Variants in OR51B5 observed in about 807,000 individuals in gnomAD.
The protein encoded by OR51B5 is olfactory receptor 51B5.
For synonymous variants in OR51B5, 186 were observed against 144.8 expected, an observed-to-expected ratio of 1.28 and a Z score of -2.04; for missense variants, 456 against 374.6, an observed-to-expected ratio of 1.22 and a Z score of -1.79.
At chr11:5,450,161 G>T (rs1323167414) in intron 1 of OR51B5, among the ~76,000 whole-genome samples, 1 of 152,060 alleles carries the variant, frequency 6.6e-6, no homozygotes, top group Non-Finnish European at 1.5e-5. Flanking sequence ...GGCTGAGGTG[G>T]TCAGATCACC....
intron 1 of OR51B5, among the ~76,000 whole-genome samples, chr11:5,351,049 A>C (rs574313759): frequency 6.6e-6 from 1 of 152,248 alleles, no homozygotes; most frequent in African/African-American, 2.4e-5. Context: ...CCATTTTTCT[A>C]CTGATCTTTT....
intron 1 of OR51B5, chr11:5,389,281 G>A (rs76916051): frequency 0.019 from 18,356 of 960,986 alleles, 240 homozygotes; most frequent in Middle Eastern, 0.031. Context: ...TAAGGGTGGA[G>A]TAGATAATAC....
At chr11:5,472,218 T>C (rs564833040) in intron 1 of OR51B5, among the ~76,000 whole-genome samples, 4 of 151,894 alleles carry the variant, frequency 2.6e-5, no homozygotes, top group African/African-American at 7.2e-5. Context: ...AGATGGGGGA[T>C]GTGCATGTGG....
intron 1 of OR51B5, among the ~76,000 whole-genome samples, chr11:5,386,101 A>G (rs1353755824): frequency 1.3e-5 from 2 of 152,152 alleles, no homozygotes; most frequent in African/African-American, 2.4e-5. Flanking sequence ...AGAAGAAGTG[A>G]TATTTGTACT....
intron 1 of OR51B5, among the ~76,000 whole-genome samples, chr11:5,360,216 A>T (rs1292130358): frequency 6.6e-6 from 1 of 151,860 alleles, no homozygotes; most frequent in Non-Finnish European, 1.5e-5. Flanking sequence ...CAACATACAG[A>T]ATGGGAGAAA....
chr11:5,465,270 T>C (rs1323815715), intron 1 of OR51B5, among the ~76,000 whole-genome samples: 7 of 150,664 alleles, frequency 4.6e-5, no homozygotes, highest in African/African-American at 1.7e-4. Flanking sequence ...CACCTGTTGT[T>C]TCCTGACTTT....
At chr11:5,369,657 A>G (rs953799466) in intron 1 of OR51B5, among the ~76,000 whole-genome samples, 9 of 152,176 alleles carry the variant, frequency 5.9e-5, no homozygotes, top group African/African-American at 2.2e-4. Flanking sequence ...CCCTGGAGAT[A>G]ATTTCCCTTT....
At chr11:5,420,362 T>G (rs1850314525) in intron 1 of OR51B5, among the ~76,000 whole-genome samples, 1 of 152,120 alleles carries the variant, frequency 6.6e-6, no homozygotes, top group African/African-American at 2.4e-5. Context: ...ACGATTTAAC[T>G]TTCCATTATT....
intron 1 of OR51B5, among the ~76,000 whole-genome samples, chr11:5,497,855 T>C (rs997949599): frequency 1.3e-5 from 2 of 152,180 alleles, no homozygotes; most frequent in Non-Finnish European, 2.9e-5. Context: ...GGCTCTTAAC[T>C]ATACACACCT....
intron 1 of OR51B5, among the ~76,000 whole-genome samples, chr11:5,491,114 A>G (rs991479687): frequency 6.6e-6 from 1 of 152,230 alleles, no homozygotes; most frequent in Non-Finnish European, 1.5e-5. Context: ...GTCTTAGTTG[A>G]TTTAATGAAT....
intron 1 of OR51B5, among the ~76,000 whole-genome samples, chr11:5,416,433 TAGGC>T (rs1850244527): frequency 6.6e-6 from 1 of 152,072 alleles, no homozygotes; most frequent in Admixed American, 6.6e-5. Flanking sequence ...CCAGGGCAAT[TAGGC>T]AGGAAAAGGA....
intron 1 of OR51B5, among the ~76,000 whole-genome samples, chr11:5,498,554 G>A (rs1023359130): frequency 3.3e-5 from 5 of 152,066 alleles, no homozygotes; most frequent in Non-Finnish European, 5.9e-5. Context: ...TCTTGCTCAC[G>A]AATATACCCA....
At chr11:5,476,676 T>C (rs1012399927) in intron 1 of OR51B5, among the ~76,000 whole-genome samples, 1 of 152,226 alleles carries the variant, frequency 6.6e-6, no homozygotes, top group Non-Finnish European at 1.5e-5. Context: ...AATACCAGTC[T>C]TGGATTTGGG....
At chr11:5,429,495 G>A (rs766195318) in intron 1 of OR51B5, among the ~76,000 whole-genome samples, 29 of 152,166 alleles carry the variant, frequency 1.9e-4, no homozygotes, top group Non-Finnish European at 4.1e-4. Context: ...CGAATGATCA[G>A]TGACACTAAT....
intron 1 of OR51B5, among the ~76,000 whole-genome samples, chr11:5,498,396 C>G (rs1472562947): frequency 6.6e-6 from 1 of 152,138 alleles, no homozygotes; most frequent in East Asian, 1.9e-4. Flanking sequence ...CAAGAAACAT[C>G]ACACTTAATC....
Position 5,398,519 on chromosome 11 carries a change from C to T in OR51B5, n.85-51609G>A, listed in dbSNP as rs181441539. 1.0e-3 allele frequency among the ~76,000 whole-genome samples: 156 copies of T among 152,316 alleles called. 1 individual carries two copies. Among genetic ancestry groups the T allele is most frequent in the African/African-American group, 3.5e-3 (146 of 41,580 alleles). The stretch of plus-strand genomic sequence containing the variant: ...GCTGAAGTGAGCTTCCCCATCCCAC[C>T]TGAGGCTCAGAGGCCAGTTTCACTT... On this transcript the variant is annotated intron_variant and non_coding_transcript_variant, in intron 1 of 4. Transcript: ENST00000415970.
intron 1 of OR51B5, among the ~76,000 whole-genome samples, chr11:5,385,944 C>CTATA (rs35325523): frequency 1.5e-4 from 22 of 147,934 alleles, no homozygotes; most frequent in South Asian, 2.1e-4. Flanking sequence ...TAAGTATGTT[C>CTATA]TATATATATA....
intron 1 of OR51B5, chr11:5,403,345 T>A: frequency 2.1e-6 from 1 of 471,624 alleles, no homozygotes; most frequent in Non-Finnish European, 4.4e-6. Flanking sequence ...GTCTGTGCTG[T>A]GCTTGCTTAC....
At chr11:5,461,725 CAGGTAGGATCCTGA>C (rs1412299643) in intron 1 of OR51B5, among the ~76,000 whole-genome samples, 1 of 152,202 alleles carries the variant, frequency 6.6e-6, no homozygotes, top group Non-Finnish European at 1.5e-5. Flanking sequence ...GGTTCTCCTG[CAGGTAGGATCCTGA>C]AGGTCTGTGG....
Sources: allele counts gnomAD v4.1 joint callset (sites outside exome capture counted in the v4.1 genomes callset), GRCh38; gene constraint gnomAD v4.1.1; transcripts MANE v1.5; gene names NCBI Gene and HGNC (gene_info 2026-07-23, HGNC 2026-07-21).